The following RABGEF1 variants were observed in gnomAD, a reference collection of about 807,000 sequenced individuals.
RABGEF1 encodes rab5 GDP/GTP exchange factor.
RABGEF1 carries 26 observed loss-of-function variants against 57.3 expected under a neutral mutation model. The ratio of observed to expected loss-of-function variants is 0.45; its 90% confidence interval spans 0.33 to 0.63. The LOEUF (loss-of-function observed/expected upper bound fraction) is 0.63, where lower values mean the gene tolerates loss of function less well. Ranked by LOEUF, RABGEF1 falls within the 20% of genes least tolerant of loss-of-function variation. RABGEF1 has a pLI of 0.02. For missense variants in RABGEF1, 464 were observed against 607.6 expected (o/e 0.76, Z 2.48); for synonymous variants, 185 against 210.7 (o/e 0.88, Z 1.06).
intron 3 of RABGEF1, among the ~76,000 whole-genome samples, chr7:66,778,851 C>T (rs949810310): frequency 6.6e-6 from 1 of 152,196 alleles, no homozygotes; most frequent in Non-Finnish European, 1.5e-5. Context: ...CACGGTGGCT[C>T]AGGCCTATAA....
chr7:66,732,482 G>A (rs910804172), intron 2 of RABGEF1, among the ~76,000 whole-genome samples: 1 of 152,118 alleles, frequency 6.6e-6, no homozygotes, highest in African/African-American at 2.4e-5. Context: ...GAGGAGGCAA[G>A]TGGAGGTCCA....
chr7:66,752,506 A>G (rs1413168027), intron 1 of RABGEF1, among the ~76,000 whole-genome samples: 3 of 152,130 alleles, frequency 2.0e-5, no homozygotes, highest in Non-Finnish European at 4.4e-5. Context: ...AAAAAAAAAA[A>G]AAGTCTTGAT....
intron 2 of RABGEF1, among the ~76,000 whole-genome samples, chr7:66,729,639 C>T (rs1797080749): frequency 6.6e-6 from 1 of 152,160 alleles, no homozygotes; most frequent in Non-Finnish European, 1.5e-5. Context: ...TTCTCACTTC[C>T]ACTGTCTTCA....
intron 3 of RABGEF1, among the ~76,000 whole-genome samples, chr7:66,778,241 T>G (rs548397348): frequency 1.3e-5 from 2 of 152,360 alleles, no homozygotes; most frequent in East Asian, 3.9e-4. Context: ...CTTCTGTTAG[T>G]AGCATAAAGG....
intron 2 of RABGEF1, among the ~76,000 whole-genome samples, chr7:66,713,698 A>G (rs577233424): frequency 3.3e-5 from 5 of 152,312 alleles, no homozygotes; most frequent in South Asian, 4.1e-4. Flanking sequence ...CTTTATTCCT[A>G]TTTTGAAAAG....
At chr7:66,803,837 C>T (rs557480296) in intron 7 of RABGEF1, among the ~76,000 whole-genome samples, 1 of 150,058 alleles carries the variant, frequency 6.7e-6, no homozygotes, top group Non-Finnish European at 1.5e-5. Flanking sequence ...TGCAGTGAGC[C>T]GAGATCGTGC....
chr7:66,728,498 A>G (rs1408428765), intron 2 of RABGEF1, among the ~76,000 whole-genome samples: 2 of 144,416 alleles, frequency 1.4e-5, no homozygotes, highest in East Asian at 3.9e-4. Flanking sequence ...CGATTTCATG[A>G]CCCACAATGG....
intron 2 of RABGEF1, among the ~76,000 whole-genome samples, chr7:66,734,708 C>T (rs1169547726): frequency 6.6e-6 from 1 of 151,266 alleles, no homozygotes; most frequent in African/African-American, 2.4e-5. Flanking sequence ...GCTGGGATTA[C>T]AGGTGTGAGC....
At chr7:66,783,586 T>C in intron 3 of RABGEF1, 89 bp from the exon 4 acceptor site, 1 of 1,149,656 alleles carries the variant, frequency 8.7e-7, no homozygotes, top group Non-Finnish European at 1.2e-6. Flanking sequence ...TGAAACATAA[T>C]TTAAATAACC....
At chr7:66,802,898 A>C (rs943547227) in intron 7 of RABGEF1, among the ~76,000 whole-genome samples, 6 of 152,252 alleles carry the variant, frequency 3.9e-5, no homozygotes, top group Non-Finnish European at 7.3e-5. Context: ...TGCAAGATGA[A>C]AGAACATTGA....
At chr7:66,755,958 C>T in intron 1 of RABGEF1, 1 of 857,504 alleles carries the variant, frequency 1.2e-6, no homozygotes, top group Non-Finnish European at 1.7e-6. Flanking sequence ...CTGACATTGA[C>T]ATTCACATTC....
At chr7:66,744,375 A>G (rs1465978330) in intron 1 of RABGEF1, among the ~76,000 whole-genome samples, 3 of 151,924 alleles carry the variant, frequency 2.0e-5, no homozygotes, top group Non-Finnish European at 4.4e-5. Context: ...TCTACAAAAA[A>G]AAAAAAAAGA....
chr7:66,659,384 G>T, the RABGEF1 span, among the ~76,000 whole-genome samples: 2 of 152,008 alleles, frequency 1.3e-5, no homozygotes, highest in African/African-American at 4.8e-5. Flanking sequence ...CACGGGAGGC[G>T]GAGGTGGCTG....
At chr7:66,668,817 T>G in the RABGEF1 span, 1 of 152,270 alleles carries the variant, frequency 6.6e-6, no homozygotes, top group Non-Finnish European at 1.5e-5. Context: ...AAGCAGGCCT[T>G]TCTGAATTCT....
intron 3 of RABGEF1, among the ~76,000 whole-genome samples, chr7:66,779,681 A>AC (rs1379623928): frequency 8.6e-5 from 13 of 151,738 alleles, no homozygotes; most frequent in African/African-American, 3.1e-4. Context: ...AAAAAAAAAA[A>AC]AAAAAACACC....
the RABGEF1 span, among the ~76,000 whole-genome samples, chr7:66,673,210 T>G: frequency 7.0e-6 from 1 of 143,500 alleles, no homozygotes; most frequent in African/African-American, 2.6e-5. Flanking sequence ...CAGCAGCAGA[T>G]GAAGTTGTTG....
chr7:66,759,740 AC>A (rs1372751670), intron 1 of RABGEF1, among the ~76,000 whole-genome samples: 2 of 152,112 alleles, frequency 1.3e-5, no homozygotes, highest in Non-Finnish European at 2.9e-5. Context: ...CAAGCACAGA[AC>A]CACAGGGGAT....
chr7:66,678,564 C>CAAAAAA (rs58309880), upstream of RABGEF1, among the ~76,000 whole-genome samples: 17 of 86,042 alleles, frequency 2.0e-4, 2 homozygotes, highest in Admixed American at 1.5e-4. Context: ...GAGTCCGTCT[C>CAAAAAA]AAAAAAAAAA....
chr7:66,712,112 A>T (rs116733059), intron 1 of RABGEF1: 1 of 152,208 alleles, frequency 6.6e-6, no homozygotes, highest in Non-Finnish European at 1.5e-5. Context: ...ACCAGCTTGC[A>T]TATGTCTACA....
Sources: allele counts gnomAD v4.1 joint callset (sites outside exome capture counted in the v4.1 genomes callset), GRCh38; gene constraint gnomAD v4.1.1; transcripts MANE v1.5; gene names NCBI Gene and HGNC (gene_info 2026-07-23, HGNC 2026-07-21).